LINGO2: variants seen among roughly 807,000 people sequenced by gnomAD.
The protein encoded by LINGO2 is leucine-rich repeat and immunoglobulin-like domain-containing nogo receptor-interacting protein 2.
Under a neutral mutation model 30.6 loss-of-function variants are expected in LINGO2, and 14 were observed. The ratio of observed to expected loss-of-function variants is 0.46; its 90% CI spans 0.30 to 0.72. The LOEUF (loss-of-function observed/expected upper bound fraction) is 0.72. Among genes scored for constraint, LINGO2 ranks in the 30% least tolerant of loss-of-function variants. The pLI, the probability that LINGO2 is intolerant of heterozygous loss-of-function variation, is 0.07. For missense variants in LINGO2, 729 were observed against 751.7 expected, an observed-to-expected ratio of 0.97 and a Z score of 0.35; for synonymous variants, 317 against 288.5, an observed-to-expected ratio of 1.10 and a Z score of -1.00.
chr9:28,557,486 G>A (rs922158747), intron 1 of LINGO2, among the ~76,000 whole-genome samples: 18 of 152,104 alleles, frequency 1.2e-4, no homozygotes, highest in Non-Finnish European at 1.5e-5. Context: ...TCATTAAAAA[G>A]TCAGAAAACG....
chr9:28,786,881 A>G, the LINGO2 span, among the ~76,000 whole-genome samples: 9 of 152,190 alleles, frequency 5.9e-5, no homozygotes, highest in Admixed American at 2.0e-4. Flanking sequence ...CAATGCTCAG[A>G]AAAAGAATAT....
chr9:27,973,989 G>T (rs1212388704), intron 5 of LINGO2, among the ~76,000 whole-genome samples: 1 of 152,246 alleles, frequency 6.6e-6, no homozygotes, highest in Non-Finnish European at 1.5e-5. Context: ...CTACTCAAGA[G>T]TACAAATGGA....
At chr9:28,897,676 AAAT>A in the LINGO2 span, among the ~76,000 whole-genome samples, 1 of 152,146 alleles carries the variant, frequency 6.6e-6, no homozygotes, top group African/African-American at 2.4e-5. Context: ...TGTAAAACGA[AAAT>A]AATAATTGTA....
the LINGO2 span, among the ~76,000 whole-genome samples, chr9:28,935,889 A>C: frequency 6.6e-5 from 10 of 152,216 alleles, no homozygotes; most frequent in African/African-American, 2.2e-4. Context: ...ATAATATAAA[A>C]GGGACAGCTA....
At chr9:28,736,813 T>TATAC in the LINGO2 span, among the ~76,000 whole-genome samples, 142 of 152,144 alleles carry the variant, frequency 9.3e-4, no homozygotes, top group African/African-American at 2.8e-3. Flanking sequence ...TACATACATA[T>TATAC]ATACATACAT....
chr9:28,251,862 T>C (rs1822213156), intron 4 of LINGO2, among the ~76,000 whole-genome samples: 1 of 152,136 alleles, frequency 6.6e-6, no homozygotes, highest in African/African-American at 2.4e-5. Context: ...CCTACATATG[T>C]ATGTACCAAA....
chr9:28,678,501 T>C, the LINGO2 span, among the ~76,000 whole-genome samples: 14,731 of 152,186 alleles, frequency 0.097, 937 homozygotes, highest in East Asian at 0.2. Context: ...GAGCGCAAGA[T>C]TTATATCCAG....
At chr9:28,100,656 C>G (rs183536466) in intron 4 of LINGO2, among the ~76,000 whole-genome samples, 1 of 152,236 alleles carries the variant, frequency 6.6e-6, no homozygotes, top group East Asian at 1.9e-4. Context: ...CTTGCTAACA[C>G]AGAACCAAAG....
At chr9:28,258,155 A>G (rs1386827749) in intron 4 of LINGO2, among the ~76,000 whole-genome samples, 1 of 151,942 alleles carries the variant, frequency 6.6e-6, no homozygotes, top group Non-Finnish European at 1.5e-5. Flanking sequence ...ATGACAAAAG[A>G]AGTGTCTAAT....
At chr9:28,186,636 G>A (rs538860650) in intron 4 of LINGO2, among the ~76,000 whole-genome samples, 1 of 152,248 alleles carries the variant, frequency 6.6e-6, no homozygotes, top group African/African-American at 2.4e-5. Flanking sequence ...AGTCCAGGAA[G>A]ATTTAGATAA....
At chr9:28,385,229 T>C (rs1821530810) in intron 2 of LINGO2, among the ~76,000 whole-genome samples, 1 of 152,150 alleles carries the variant, frequency 6.6e-6, no homozygotes, top group Non-Finnish European at 1.5e-5. Context: ...GTGTTTATAA[T>C]CTCTATTCCT....
intron 1 of LINGO2, among the ~76,000 whole-genome samples, chr9:28,540,230 C>A (rs965328788): frequency 1.3e-5 from 2 of 148,704 alleles, no homozygotes; most frequent in African/African-American, 5.0e-5. Context: ...TTTTTTTTTT[C>A]TTTGAGACAG....
chr9:28,152,595 CAT>C (rs1331595461), intron 4 of LINGO2, among the ~76,000 whole-genome samples: 1 of 152,002 alleles, frequency 6.6e-6, no homozygotes, highest in Non-Finnish European at 1.5e-5. Context: ...AAGAATGCAA[CAT>C]GTATAAAAAT....
chr9:28,042,048 A>G (rs1179884378), intron 4 of LINGO2, among the ~76,000 whole-genome samples: 1 of 152,214 alleles, frequency 6.6e-6, no homozygotes, highest in Non-Finnish European at 1.5e-5. Flanking sequence ...CATCATCTGT[A>G]AAATGGGGAG....
the LINGO2 span, among the ~76,000 whole-genome samples, chr9:28,784,026 T>G: frequency 3.3e-5 from 5 of 152,216 alleles, 1 homozygote; most frequent in African/African-American, 1.2e-4. Context: ...TCCCCACCGC[T>G]GAACACCATC....
intron 2 of LINGO2, among the ~76,000 whole-genome samples, chr9:28,390,071 A>C (rs1478984017): frequency 1.3e-5 from 2 of 152,048 alleles, no homozygotes; most frequent in African/African-American, 4.8e-5. Context: ...GACAACATGT[A>C]TGTGTTTTAC....
chr9:29,174,864 T>C, the LINGO2 span, among the ~76,000 whole-genome samples: 2 of 152,204 alleles, frequency 1.3e-5, no homozygotes, highest in Non-Finnish European at 2.9e-5. Flanking sequence ...TTTTAGTATA[T>C]TTTAAAAATC....
the LINGO2 span, among the ~76,000 whole-genome samples, chr9:28,898,314 G>A: frequency 1.2e-4 from 18 of 152,166 alleles, no homozygotes; most frequent in Non-Finnish European, 2.4e-4. Flanking sequence ...GGAATATAAC[G>A]CAGTTTCTAG....
At chr9:28,467,544 T>G (rs1280822109) in intron 2 of LINGO2, among the ~76,000 whole-genome samples, 1 of 152,210 alleles carries the variant, frequency 6.6e-6, no homozygotes, top group East Asian at 1.9e-4. Context: ...TACCATAGCA[T>G]GCATTTTCTC....
Sources: allele counts gnomAD v4.1 joint callset (sites outside exome capture counted in the v4.1 genomes callset), GRCh38; gene constraint gnomAD v4.1.1; transcripts MANE v1.5; gene names NCBI Gene and HGNC (gene_info 2026-07-23, HGNC 2026-07-21).